Variants in PARD3B observed in about 807,000 individuals in gnomAD.
PARD3B encodes partitioning defective 3 homolog B.
Under a neutral mutation model 130.2 loss-of-function variants are expected in PARD3B, and 103 were observed. The ratio of observed to expected loss-of-function variants is 0.79; its 90% CI spans 0.67 to 0.93. The LOEUF (loss-of-function observed/expected upper bound fraction) is 0.93, where lower values mean the gene tolerates loss of function less well. PARD3B is among the 40% of genes least tolerant of loss of function. The pLI is 0.00. For synonymous variants in PARD3B, 583 were observed against 553.2 expected (o/e 1.05, Z -0.76); for missense variants, 1,609 against 1,499.2 (o/e 1.07, Z -1.21).
intron 18 of PARD3B, among the ~76,000 whole-genome samples, chr2:205,326,189 C>T (rs756604305): frequency 2.6e-5 from 4 of 152,086 alleles, no homozygotes; most frequent in South Asian, 2.1e-4. Flanking sequence ...TGTGAAAAAC[C>T]GCATACTGAA....
intron 10 of PARD3B, among the ~76,000 whole-genome samples, chr2:205,145,660 C>T (rs1336253627): frequency 6.6e-6 from 1 of 152,120 alleles, no homozygotes; most frequent in African/African-American, 2.4e-5. Flanking sequence ...CCCCCATGTT[C>T]TCTAAGGCAC....
rs138131883 is a variant in PARD3B at position 205,607,570 on chromosome 2, G to A, written c.3261-7886G>A. ...TAACATTGTTATGAGGAATAAATCC[G>A]TCAAATGGAGGAAACATTTAGGATG... On this transcript the variant is annotated intron_variant, in intron 22 of 22. Transcript: ENST00000406610. Among the ~76,000 whole-genome samples the A allele has an allele frequency of 4.1e-4, 62 of 152,240 alleles. 2 individuals carry two copies. Among genetic ancestry groups the A allele is most frequent in the African/African-American group, 1.4e-3 (60 of 41,556 alleles).
intron 2 of PARD3B, among the ~76,000 whole-genome samples, chr2:204,822,548 T>C (rs1353864501): frequency 6.6e-6 from 1 of 152,220 alleles, no homozygotes; most frequent in African/African-American, 2.4e-5. Context: ...TCATTTTGTA[T>C]CTATTTGTAT....
At chr2:205,434,873 A>G (rs1169886636) in intron 19 of PARD3B, among the ~76,000 whole-genome samples, 2 of 150,500 alleles carry the variant, frequency 1.3e-5, no homozygotes, top group Non-Finnish European at 3.0e-5. Flanking sequence ...GTTGTTAGGA[A>G]ATTTTTTATA....
intron 18 of PARD3B, among the ~76,000 whole-genome samples, chr2:205,334,992 TG>T (rs2043258728): frequency 6.6e-6 from 1 of 152,318 alleles, no homozygotes; most frequent in African/African-American, 2.4e-5. Context: ...ATCTTGAAGT[TG>T]TAAGAGAAGC....
At chr2:205,334,665 A>G (rs1049482188) in intron 18 of PARD3B, among the ~76,000 whole-genome samples, 6 of 152,306 alleles carry the variant, frequency 3.9e-5, no homozygotes, top group Admixed American at 1.3e-4. Flanking sequence ...TGGCCTTTTC[A>G]TTTGGTCCTC....
intron 19 of PARD3B, among the ~76,000 whole-genome samples, chr2:205,413,686 G>A (rs1194211687): frequency 2.6e-5 from 4 of 152,112 alleles, no homozygotes; most frequent in Non-Finnish European, 5.9e-5. Flanking sequence ...GAAGCATAGT[G>A]GCCAGTCCAT....
chr2:204,735,690 G>T (rs1046602584), intron 2 of PARD3B, among the ~76,000 whole-genome samples: 11 of 152,094 alleles, frequency 7.2e-5, no homozygotes, highest in Non-Finnish European at 1.5e-4. Flanking sequence ...TTTAAAATAT[G>T]GATGGGCCGT....
intron 22 of PARD3B, 47 bp from the exon 23 acceptor site, chr2:205,615,409 C>T (rs569193373): frequency 4.4e-5 from 66 of 1,489,126 alleles, no homozygotes; most frequent in Non-Finnish European, 4.9e-5. Flanking sequence ...TCCAGCCGGA[C>T]GGCCAGCTTA....
intron 2 of PARD3B, among the ~76,000 whole-genome samples, chr2:204,958,138 G>T (rs1293270111): frequency 2.0e-5 from 3 of 152,028 alleles, no homozygotes; most frequent in African/African-American, 7.2e-5. Flanking sequence ...AAATACAGTT[G>T]ATTTTACTCT....
At chr2:204,712,167 T>C (rs2038470624) in intron 2 of PARD3B, among the ~76,000 whole-genome samples, 3 of 152,192 alleles carry the variant, frequency 2.0e-5, no homozygotes, top group South Asian at 4.1e-4. Flanking sequence ...TCCCAAGTTA[T>C]GTTATGAAAG....
chr2:204,686,174 A>G lies in PARD3B; in HGVS notation c.121-7A>G, dbSNP rs530532731. ...AGGTCATTAAACTTGTGTTTGTTCT[A>G]CTATAGGGTCCTGGTTACTGGGTGA... On this transcript the variant is annotated splice_region_variant and splice_polypyrimidine_tract_variant and intron_variant, in intron 1 of 22. Coordinates refer to ENST00000406610, the MANE Select transcript of PARD3B (RefSeq NM_001302769.2). The G allele has an allele frequency of 6.3e-6, 10 of 1,582,056 alleles. No individual in the cohort carries two copies. The highest frequency in any genetic ancestry group is 4.5e-5 in the East Asian group (2 of 44,628).
intron 19 of PARD3B, among the ~76,000 whole-genome samples, chr2:205,415,933 T>A (rs546808002): frequency 5.9e-5 from 9 of 152,292 alleles, no homozygotes; most frequent in South Asian, 2.1e-4. Flanking sequence ...TTTTTACAAC[T>A]TTTCTAGGGC....
At chr2:205,310,117 C>T (rs1307597924) in intron 18 of PARD3B, among the ~76,000 whole-genome samples, 1 of 139,826 alleles carries the variant, frequency 7.2e-6, no homozygotes, top group African/African-American at 2.7e-5. Context: ...CAGAGTCTCA[C>T]TGTGTCACTC....
At position 204,664,116 on chromosome 2, in the gene PARD3B, A is replaced by G. The variant is rs2035929611; in HGVS notation, c.121-22065A>G. ...AATACTGTGGCTTGGATATGTTCTA[A>G]CCCCATGACTGTCTAATAGCTTACA... On this transcript the variant is annotated intron_variant, in intron 1 of 22. Coordinates refer to ENST00000406610, the MANE Select transcript of PARD3B (RefSeq NM_001302769.2). This position sits in a 1 kb window ranked among gnomAD's most constrained non-coding sequence, Gnocchi z 5.2. Among the ~76,000 whole-genome samples the G allele has an allele frequency of 6.6e-6, 1 of 152,104 alleles. No individual in the cohort carries two copies. The highest frequency in any genetic ancestry group is 1.5e-5 in the Non-Finnish European group (1 of 68,018).
chr2:205,409,913 A>G (rs142313366), intron 19 of PARD3B, among the ~76,000 whole-genome samples: 21 of 152,264 alleles, frequency 1.4e-4, no homozygotes, highest in Non-Finnish European at 2.5e-4. Flanking sequence ...GAAATTTTAA[A>G]TTTCGCTGAT....
intron 2 of PARD3B, among the ~76,000 whole-genome samples, chr2:204,963,106 A>G (rs981864887): frequency 8.5e-5 from 13 of 152,180 alleles, no homozygotes; most frequent in African/African-American, 2.9e-4. Flanking sequence ...ATAGGAAAAT[A>G]CTTTCTCTGG....
chr2:204,960,543 C>T (rs1690652375), intron 2 of PARD3B, among the ~76,000 whole-genome samples: 2 of 150,436 alleles, frequency 1.3e-5, no homozygotes, highest in South Asian at 4.2e-4. Flanking sequence ...CATTTATACA[C>T]ATTCATTTAA....
At chr2:204,832,348 G>A (rs2043859043) in intron 2 of PARD3B, among the ~76,000 whole-genome samples, 1 of 152,000 alleles carries the variant, frequency 6.6e-6, no homozygotes, top group African/African-American at 2.4e-5. Context: ...TTTAAAATCA[G>A]TGCTATAGTA....
Sources: gnomAD v4.1 joint callset for allele counts (sites outside exome capture counted in the v4.1 genomes callset) on GRCh38, gnomAD v4.1.1 for gene constraint, Gnocchi (gnomAD v3.1) non-coding constraint, MANE v1.5 for transcripts, NCBI Gene and HGNC (gene_info 2026-07-23, HGNC 2026-07-21) for gene names.